Variants in TCF7L1 observed in about 807,000 individuals in gnomAD.
The protein encoded by TCF7L1 is transcription factor 7 like 1.
TCF7L1 carries 18 observed loss-of-function variants against 63.7 expected under a neutral mutation model. That is an observed-to-expected ratio of 0.28 (90% CI 0.20 to 0.42). The LOEUF (loss-of-function observed/expected upper bound fraction) is 0.42, where lower values mean the gene tolerates loss of function less well. TCF7L1 is among the 10% of genes least tolerant of loss of function. The pLI, the probability that TCF7L1 is intolerant of heterozygous loss-of-function variation, is 1.00. For missense variants in TCF7L1, 654 were observed against 779.3 expected (o/e 0.84, Z 1.91); for synonymous variants, 355 against 340.9 (o/e 1.04, Z -0.46).
Position 85,133,611 on chromosome 2 carries a change from G to A in TCF7L1, c.-74G>A. ...GCGGGCCCGCAAGCGGGCGGGAGGG[G>A]CGCCGGGCCGGGCCGGGCAGGGCGC... On this transcript the variant is annotated 5_prime_UTR_variant, in exon 1 of 12. Transcript: ENST00000282111. The surrounding 1 kb of genome is among the most constrained non-coding windows in gnomAD (Gnocchi z 4.4). 3.7e-6 allele frequency: 2 copies of A among 538,444 alleles called. No homozygotes were observed. The highest frequency in any genetic ancestry group is 4.7e-6 in the Non-Finnish European group (2 of 423,448). 33.4% of individuals were successfully genotyped at this position (538,444 alleles called of 1,614,324 possible).
intron 3 of TCF7L1, among the ~76,000 whole-genome samples, chr2:85,214,930 G>A (rs1308755843): frequency 6.6e-6 from 1 of 152,138 alleles, no homozygotes; most frequent in African/African-American, 2.4e-5. Flanking sequence ...CTGGTCCTAG[G>A]TGCTAAAAAC....
At chr2:85,160,440 G>T (rs952053031) in intron 3 of TCF7L1, among the ~76,000 whole-genome samples, 2 of 152,138 alleles carry the variant, frequency 1.3e-5, no homozygotes, top group African/African-American at 4.8e-5. Context: ...GGCCAGGCTG[G>T]TCTCGAACTC....
At chr2:85,206,090 C>T (rs998634834) in intron 3 of TCF7L1, among the ~76,000 whole-genome samples, 1 of 152,220 alleles carries the variant, frequency 6.6e-6, no homozygotes, top group African/African-American at 2.4e-5. Flanking sequence ...CTATTAACTC[C>T]CTCTTGTTGG....
At chr2:85,178,309 AAC>A (rs891416928) in intron 3 of TCF7L1, among the ~76,000 whole-genome samples, 16 of 152,316 alleles carry the variant, frequency 1.1e-4, no homozygotes, top group African/African-American at 3.8e-4. Flanking sequence ...CATGGTGGTA[AAC>A]ACAGTTTGTT....
chr2:85,291,896 G>C (rs1681725314), intron 4 of TCF7L1, among the ~76,000 whole-genome samples: 1 of 151,554 alleles, frequency 6.6e-6, no homozygotes, highest in African/African-American at 2.4e-5. Flanking sequence ...TGTAGAGATG[G>C]GGTTCCACTA....
intron 3 of TCF7L1, among the ~76,000 whole-genome samples, chr2:85,246,243 A>G (rs1014454895): frequency 6.6e-6 from 1 of 152,234 alleles, no homozygotes; most frequent in African/African-American, 2.4e-5. Context: ...GCTTAGTGGA[A>G]TCTTAAACTG....
intron 3 of TCF7L1, among the ~76,000 whole-genome samples, chr2:85,141,497 C>G (rs1461508671): frequency 6.6e-6 from 1 of 152,168 alleles, no homozygotes; most frequent in African/African-American, 2.4e-5. Flanking sequence ...CCTTCTATCC[C>G]GGTGTACCTT....
At chr2:85,165,455 G>A (rs953363927) in intron 3 of TCF7L1, among the ~76,000 whole-genome samples, 6 of 152,164 alleles carry the variant, frequency 3.9e-5, no homozygotes, top group Non-Finnish European at 7.3e-5. Flanking sequence ...AAGTGAGTGG[G>A]GCTGAGAGGA....
At chr2:85,160,158 A>G (rs899050111) in intron 3 of TCF7L1, among the ~76,000 whole-genome samples, 1 of 152,182 alleles carries the variant, frequency 6.6e-6, no homozygotes, top group Non-Finnish European at 1.5e-5. Flanking sequence ...CTATAGTTCC[A>G]AATTCCTAAA....
chr2:85,277,559 A>G (rs928592441), intron 3 of TCF7L1, among the ~76,000 whole-genome samples: 1 of 152,094 alleles, frequency 6.6e-6, no homozygotes, highest in East Asian at 1.9e-4. Context: ...GAGAGGCAGG[A>G]AGGACCGGTC....
At chr2:85,296,513 G>A (rs1382356714) in intron 4 of TCF7L1, among the ~76,000 whole-genome samples, 1 of 152,154 alleles carries the variant, frequency 6.6e-6, no homozygotes, top group Non-Finnish European at 1.5e-5. Context: ...TCTGACAAAC[G>A]TTTCCACCCT....
intron 3 of TCF7L1, among the ~76,000 whole-genome samples, chr2:85,178,514 G>A (rs1574092454): frequency 6.6e-6 from 1 of 152,170 alleles, no homozygotes; most frequent in Non-Finnish European, 1.5e-5. Flanking sequence ...GGTGGGAAGG[G>A]GACAGCTGTG....
chr2:85,279,374 C>T (rs759242543), intron 3 of TCF7L1, among the ~76,000 whole-genome samples: 6 of 150,194 alleles, frequency 4.0e-5, no homozygotes, highest in Non-Finnish European at 1.5e-5. Context: ...GCCTGGGCAA[C>T]GTAGCAAGAC....
intron 3 of TCF7L1, among the ~76,000 whole-genome samples, chr2:85,256,107 G>GGGT (rs1319630769): frequency 6.6e-6 from 1 of 152,210 alleles, no homozygotes; most frequent in Non-Finnish European, 1.5e-5. Flanking sequence ...AGGGGAGGAG[G>GGGT]GGTGGGCGCA....
At chr2:85,240,659 T>C (rs1476032189) in intron 3 of TCF7L1, among the ~76,000 whole-genome samples, 1 of 151,204 alleles carries the variant, frequency 6.6e-6, no homozygotes, top group African/African-American at 2.4e-5. Context: ...GGCGAGTGCC[T>C]GTAATCCCAG....
In TCF7L1 at chr2:85,214,282, G is replaced by A. The variant is rs555950340; in HGVS notation, c.442-69213G>A. 4.9e-4 allele frequency among the ~76,000 whole-genome samples: 75 copies of A among 152,344 alleles called. 1 individual carries two copies. Among genetic ancestry groups the A allele is most frequent in the African/African-American group, 1.7e-3 (71 of 41,588 alleles). On this transcript the variant is annotated intron_variant, in intron 3 of 11. Transcript: ENST00000282111. ...CAGATTCGATTACCGGGTGATGCTCGAAGACAAATGGCCTGGGGCCTTTCT... is the reference window on the plus strand; with the variant it reads ...CAGATTCGATTACCGGGTGATGCTCAAAGACAAATGGCCTGGGGCCTTTCT...
intron 4 of TCF7L1, among the ~76,000 whole-genome samples, chr2:85,289,940 C>G (rs1353830144): frequency 6.7e-6 from 1 of 148,714 alleles, no homozygotes; most frequent in African/African-American, 2.5e-5. Context: ...TCCCAAAGTG[C>G]TGGGATTACA....
At position 85,307,447 on chromosome 2, in the gene TCF7L1, T is replaced by C. The variant is rs566532473; in HGVS notation, c.1258-195T>C. On this transcript the variant is annotated intron_variant, in intron 10 of 11. Coordinates refer to ENST00000282111, the MANE Select transcript of TCF7L1 (RefSeq NM_031283.3). ...ACACCCGACCTGGAGGGGAAACGCG[T>C]TTGTAGGGGAGGAAGGGCTCCCTCT... 7.9e-5 allele frequency among the ~76,000 whole-genome samples: 12 copies of C among 152,032 alleles called. No individual in the cohort carries two copies. In the South Asian group the frequency reaches 2.5e-3, roughly 32 times the overall value.
intron 3 of TCF7L1, among the ~76,000 whole-genome samples, chr2:85,250,133 GCTC>G (rs1443822056): frequency 1.3e-5 from 2 of 152,200 alleles, no homozygotes; most frequent in Admixed American, 6.5e-5. Context: ...TTAACAGTCA[GCTC>G]CTGGTGGGGA....
Sources: allele counts gnomAD v4.1 joint callset (sites outside exome capture counted in the v4.1 genomes callset), GRCh38; gene constraint gnomAD v4.1.1; non-coding constraint Gnocchi (gnomAD v3.1); transcripts MANE v1.5; gene names NCBI Gene and HGNC (gene_info 2026-07-23, HGNC 2026-07-21).